The following VANGL1 variants were observed in gnomAD, a reference collection of about 807,000 sequenced individuals.
VANGL1 encodes VANGL planar cell polarity protein 1.
In VANGL1, 18 loss-of-function variants were observed where a neutral mutation model predicts 48.4. The observed-to-expected ratio is 0.37, with a 90% CI of 0.26 to 0.55. VANGL1 has a LOEUF of 0.55. Ranked by LOEUF, VANGL1 falls within the 20% of genes least tolerant of loss-of-function variation. The pLI, the probability that VANGL1 is intolerant of heterozygous loss-of-function variation, is 0.81. For synonymous variants in VANGL1, 257 were observed against 261.8 expected, an observed-to-expected ratio of 0.98 and a Z score of 0.18; for missense variants, 667 against 675.8, an observed-to-expected ratio of 0.99 and a Z score of 0.14.
At position 115,693,223 on chromosome 1, in the gene VANGL1, G is replaced by T. The variant is rs1272791935; in HGVS notation, c.*1844G>T. 2.0e-5 allele frequency: 3 copies of T among 152,576 alleles called. No homozygotes were observed. The highest frequency in any genetic ancestry group is 4.4e-5 in the Non-Finnish European group (3 of 68,030). The allele number at this position is 152,576 out of a possible 1,614,324, so 9.5% of individuals were successfully genotyped here. ...CTTTTGTTCTTAGTTTTTGCCGTTA[G>T]ATCCCTTCAAACTGGAAGTTCCTTA... is the stretch of plus-strand genomic sequence containing the variant. On this transcript the variant is annotated 3_prime_UTR_variant, in exon 8 of 8. Transcript: ENST00000355485.
intron 6 of VANGL1, 144 bp downstream of exon 6, chr1:115,684,220 C>T: frequency 2.3e-6 from 2 of 867,202 alleles, no homozygotes. Context: ...CTCACTGTCA[C>T]CTCTGCCTCC....
In VANGL1 at chr1:115,691,297, C is replaced by G; in HGVS notation, c.1493C>G (p.Pro498Arg). The change falls in exon 8 of 8, where the codon CCA (proline) becomes CGA (arginine). Residue 498 changes from proline (P) to arginine (R), a missense_variant. By Grantham distance (103) the Pro-to-Arg change is moderately radical. Transcript: ENST00000355485. ...CTCGTAGTCAATGTGAAGAAAATTC[C>G]ATTCATCATACTCTCTGAAGAGTTC... The part of the protein sequence containing the change: ...FSLVVNVKKI[P>R]FIILSEEFID... The G allele has an allele frequency of 6.2e-7, 1 of 1,614,122 alleles. No individual in the cohort carries two copies. The highest frequency in any genetic ancestry group is 8.5e-7 in the Non-Finnish European group (1 of 1,180,026).
intron 1 of VANGL1, among the ~76,000 whole-genome samples, chr1:115,646,063 C>T (rs578049151): frequency 4.6e-5 from 7 of 152,264 alleles, no homozygotes; most frequent in African/African-American, 1.7e-4. Flanking sequence ...ATTTGCTAAA[C>T]ACTGTGTTTT....
chr1:115,676,488 G>C (rs1258508141), intron 4 of VANGL1, among the ~76,000 whole-genome samples: 5 of 152,198 alleles, frequency 3.3e-5, no homozygotes, highest in Non-Finnish European at 5.9e-5. Context: ...GGCCATATAA[G>C]CTCGTGGTGG....
intron 3 of VANGL1, among the ~76,000 whole-genome samples, chr1:115,660,053 T>C (rs980636746): frequency 1.3e-5 from 2 of 152,038 alleles, no homozygotes; most frequent in Non-Finnish European, 2.9e-5. Context: ...AGCTGAAGTC[T>C]CCCACGACTC....
intron 2 of VANGL1, among the ~76,000 whole-genome samples, chr1:115,655,856 G>T (rs530772634): frequency 6.6e-6 from 1 of 152,290 alleles, no homozygotes; most frequent in East Asian, 1.9e-4. Context: ...ATTACAGTGA[G>T]GTGGCCACAC....
chr1:115,680,031 G>GTC, intron 4 of VANGL1, among the ~76,000 whole-genome samples: 1 of 144,066 alleles, frequency 6.9e-6, no homozygotes, highest in African/African-American at 2.7e-5. Flanking sequence ...GTATGTGAGA[G>GTC]AGAGAGAGAG....
chr1:115,698,121 G>A lies in VANGL1; in HGVS notation c.*6742G>A, dbSNP rs985348723. On this transcript the variant is annotated 3_prime_UTR_variant, in exon 8 of 8. Coordinates refer to ENST00000355485, the MANE Select transcript of VANGL1 (RefSeq NM_138959.3). ...CCCAAGTTATTTTGTTCCTTTTTGG[G>A]TCCTCCAGTATAATCCCCCCCTCAT... 6.7e-6 allele frequency: 1 copy of A among 149,630 alleles called. No homozygotes were observed. Among genetic ancestry groups the A allele is most frequent in the Non-Finnish European group, 1.5e-5 (1 of 67,568 alleles). The allele number at this position is 149,630 out of a possible 1,614,324, so 9.3% of individuals were successfully genotyped here. A position where few individuals can be genotyped will look rare whatever the true frequency, so the allele number is the denominator to read the frequency against.
At chr1:115,678,304 GA>G (rs1451333639) in intron 4 of VANGL1, among the ~76,000 whole-genome samples, 32 of 152,206 alleles carry the variant, frequency 2.1e-4, no homozygotes, top group Admixed American at 1.3e-4. Context: ...TCCATATTTG[GA>G]GGGTGGAGAG....
intron 2 of VANGL1, among the ~76,000 whole-genome samples, chr1:115,658,944 C>T (rs1305130588): frequency 1.3e-5 from 2 of 149,156 alleles, no homozygotes; most frequent in Admixed American, 6.7e-5. Flanking sequence ...TCCCCATGTA[C>T]ACACACACAC....
chr1:115,660,693 A>G (rs954616360), intron 3 of VANGL1, among the ~76,000 whole-genome samples: 10 of 152,324 alleles, frequency 6.6e-5, no homozygotes, highest in Non-Finnish European at 1.2e-4. Context: ...AGCTGTAAAG[A>G]TAGATATAGG....
chr1:115,672,338 G>A (rs890353565), intron 4 of VANGL1, among the ~76,000 whole-genome samples: 1 of 152,146 alleles, frequency 6.6e-6, no homozygotes, highest in Non-Finnish European at 1.5e-5. Flanking sequence ...AGCCAGGTAC[G>A]CTTTCCAGCC....
intron 1 of VANGL1, among the ~76,000 whole-genome samples, chr1:115,649,267 C>T (rs949600504): frequency 2.6e-5 from 4 of 152,170 alleles, no homozygotes; most frequent in Non-Finnish European, 4.4e-5. Flanking sequence ...GCTGTGTTTT[C>T]ACATTTAATC....
intron 2 of VANGL1, among the ~76,000 whole-genome samples, chr1:115,656,533 GTTT>G (rs1040628282): frequency 6.6e-6 from 1 of 152,332 alleles, no homozygotes; most frequent in Non-Finnish European, 1.5e-5. Context: ...TTTCTGTGCA[GTTT>G]TTTAAGTTTA....
chr1:115,672,557 C>A (rs1653018556), intron 4 of VANGL1, among the ~76,000 whole-genome samples: 1 of 151,378 alleles, frequency 6.6e-6, no homozygotes, highest in Non-Finnish European at 1.5e-5. Context: ...TGGATCTCCC[C>A]CTCTATCTTG....
chr1:115,689,681 G>A lies in VANGL1; in HGVS notation c.1315-1438G>A, dbSNP rs534043759. 2.5e-4 allele frequency among the ~76,000 whole-genome samples: 34 copies of A among 135,668 alleles called. 7 individuals are homozygous for A. In the East Asian group the frequency reaches 6.5e-3, roughly 26 times the overall value. The allele number at this position is 135,668 out of a possible 152,430, so 89.0% of individuals were successfully genotyped here. The stretch of plus-strand genomic sequence containing the variant: ...CTAGTTAAAAACTGTTCTTCGCCAG[G>A]TGCAGTGGCTCACGCCTGTAATCTC... On this transcript the variant is annotated intron_variant, in intron 7 of 7. Coordinates refer to ENST00000355485, the MANE Select transcript of VANGL1 (RefSeq NM_138959.3).
Position 115,659,662 on chromosome 1 carries a change from C to T in VANGL1, c.93C>T (p.His31=). The change falls in exon 3 of 8, where the codon CAC becomes CAT. Residue 31 remains histidine, a synonymous_variant. Transcript: ENST00000355485. ...HRQGERTRER[H]KSPRNKDGRG... ...TCAGGGAAAGAACTAGAGAGAGACACAAGTCACCCCGGAATAAAGACGGCA... is the reference window on the plus strand; with the variant it reads ...TCAGGGAAAGAACTAGAGAGAGACATAAGTCACCCCGGAATAAAGACGGCA... The T allele has an allele frequency of 6.2e-7, 1 of 1,614,066 alleles. No homozygotes were observed. The highest frequency in any genetic ancestry group is 8.5e-7 in the Non-Finnish European group (1 of 1,179,998).
At chr1:115,680,378 G>A (rs900403924) in intron 4 of VANGL1, among the ~76,000 whole-genome samples, 4 of 152,178 alleles carry the variant, frequency 2.6e-5, no homozygotes, top group African/African-American at 9.7e-5. Flanking sequence ...ACCAGCTAAG[G>A]TCTATCTTCA....
chr1:115,674,523 T>G (rs1653094613), intron 4 of VANGL1, among the ~76,000 whole-genome samples: 1 of 152,244 alleles, frequency 6.6e-6, no homozygotes, highest in South Asian at 2.1e-4. Context: ...AGGAGATCTT[T>G]GCAGATTTTA....
Sources: allele counts gnomAD v4.1 joint callset (sites outside exome capture counted in the v4.1 genomes callset), GRCh38; gene constraint gnomAD v4.1.1; transcripts MANE v1.5; gene names NCBI Gene and HGNC (gene_info 2026-07-23, HGNC 2026-07-21).